MAD1L1: variants seen among roughly 807,000 people sequenced by gnomAD.
MAD1L1 encodes mitotic spindle assembly checkpoint protein MAD1.
MAD1L1 carries 95 observed loss-of-function variants against 96.9 expected under a neutral mutation model. The observed-to-expected ratio is 0.98, with a 90% CI of 0.83 to 1.16. MAD1L1 has a LOEUF of 1.16. Ranked by LOEUF, MAD1L1 falls within the 50% of genes most tolerant of loss-of-function variation. MAD1L1 has a pLI of 0.00. For missense variants in MAD1L1, 1,007 were observed against 954.4 expected (o/e 1.06, Z -0.73); for synonymous variants, 473 against 396.6 (o/e 1.19, Z -2.29).
At chr7:1,839,509 C>T (rs1395199639) in intron 18 of MAD1L1, among the ~76,000 whole-genome samples, 1 of 152,182 alleles carries the variant, frequency 6.6e-6, no homozygotes, top group Non-Finnish European at 1.5e-5. Context: ...GGCTGACAAA[C>T]CCCCAGCCTC....
chr7:1,882,139 G>T (rs1292438786), intron 18 of MAD1L1, among the ~76,000 whole-genome samples: 1 of 152,178 alleles, frequency 6.6e-6, no homozygotes, highest in Admixed American at 6.5e-5. Flanking sequence ...GATGAGGAGG[G>T]GCAGCCTTGG....
intron 11 of MAD1L1, among the ~76,000 whole-genome samples, chr7:2,110,639 T>C (rs554040346): frequency 2.6e-4 from 39 of 152,200 alleles, no homozygotes; most frequent in African/African-American, 9.4e-4. Context: ...GTCTCAAGTG[T>C]CTCCCTTTTG....
At chr7:2,205,822 T>C (rs1792571530) in intron 10 of MAD1L1, among the ~76,000 whole-genome samples, 1 of 152,160 alleles carries the variant, frequency 6.6e-6, no homozygotes, top group Non-Finnish European at 1.5e-5. Context: ...CACCTATATA[T>C]CTTCTCTTGT....
intron 16 of MAD1L1, among the ~76,000 whole-genome samples, chr7:1,947,256 G>A (rs978095552): frequency 6.6e-6 from 1 of 152,214 alleles, no homozygotes; most frequent in African/African-American, 2.4e-5. Flanking sequence ...CTGCTGGGGA[G>A]GAGGCTGCCT....
In MAD1L1 at chr7:1,918,427, G is replaced by A. The variant is rs192919735; in HGVS notation, c.1807+18260C>T. Among the ~76,000 whole-genome samples, 48 of 152,304 alleles carry A rather than the reference G, an allele frequency of 3.2e-4. No homozygotes were observed. In the East Asian group the frequency reaches 8.0e-3, roughly 25 times the overall value. On this transcript the variant is annotated intron_variant, in intron 17 of 18. Transcript: ENST00000265854. ...CCGAGCATGTTCCCAACACACAACC[G>A]CAGTCACGCCACTGGGGACGGTGCT...
At chr7:1,976,545 T>G (rs1780648022) in intron 15 of MAD1L1, among the ~76,000 whole-genome samples, 1 of 151,898 alleles carries the variant, frequency 6.6e-6, no homozygotes. Context: ...ACCCAAAGAG[T>G]GAGCAGCAGC....
At chr7:2,150,565 C>T (rs1050853902) in intron 10 of MAD1L1, among the ~76,000 whole-genome samples, 9 of 152,202 alleles carry the variant, frequency 5.9e-5, no homozygotes, top group Admixed American at 3.9e-4. Flanking sequence ...CTCTGGCCAC[C>T]CCCACGCCCC....
chr7:1,938,377 T>A (rs1778721993), intron 16 of MAD1L1, among the ~76,000 whole-genome samples: 1 of 152,134 alleles, frequency 6.6e-6, no homozygotes, highest in African/African-American at 2.4e-5. Context: ...AGACACAGGT[T>A]ACTCAAACAG....
At chr7:1,899,309 G>A (rs184377179) in intron 17 of MAD1L1, among the ~76,000 whole-genome samples, 543 of 152,322 alleles carry the variant, frequency 3.6e-3, no homozygotes, top group Non-Finnish European at 5.7e-3. Context: ...ACACAGAGCC[G>A]TCCCCTAGGC....
At chr7:1,851,654 C>T (rs532213442) in intron 18 of MAD1L1, among the ~76,000 whole-genome samples, 9 of 152,260 alleles carry the variant, frequency 5.9e-5, no homozygotes, top group South Asian at 4.1e-4. Context: ...GAAGGCGTGG[C>T]GAGGAAGACG....
Position 1,816,221 on chromosome 7 carries a change from C to G in MAD1L1, c.2006G>C (p.Ser669Thr). The G allele has an allele frequency of 6.2e-7, 1 of 1,612,728 alleles. No individual in the cohort carries two copies. The highest frequency in any genetic ancestry group is 8.5e-7 in the Non-Finnish European group (1 of 1,179,518). The change falls in exon 19 of 19, where the codon AGC becomes ACC. Residue 669 changes from serine to threonine, a missense_variant. By Grantham distance (58) the Ser-to-Thr change is moderately conservative (BLOSUM62 1). Transcript: ENST00000265854. ...TAGCTGCATCTTGGAACCCGAGGGG[C>G]TGGTGGCCTGCGGGGCAGTCAAGAA... ...PGDCLIFKAT[S>T]PSGSKMQLLE...
rs542101046 is a variant in MAD1L1, at chr7:1,939,822, C to T, written c.1597-2925G>A. On this transcript the variant is annotated intron_variant, in intron 16 of 18. Transcript: ENST00000265854. ...TGTGGGCCACTGCTCTCCAAGTCCC[C>T]GAAGGACGGCGAGGCCTGGCTTGGG... Among the ~76,000 whole-genome samples, 18 of 147,320 alleles carry T rather than the reference C, an allele frequency of 1.2e-4. No individual in the cohort carries two copies. In the South Asian group the frequency reaches 1.4e-3, roughly 11 times the overall value.
intron 15 of MAD1L1, among the ~76,000 whole-genome samples, chr7:1,966,303 C>T (rs1780163576): frequency 6.6e-6 from 1 of 152,190 alleles, no homozygotes; most frequent in Non-Finnish European, 1.5e-5. Context: ...GGACATAACC[C>T]CAAATTACTC....
chr7:1,907,381 C>T (rs1362937980), intron 17 of MAD1L1, among the ~76,000 whole-genome samples: 1 of 152,248 alleles, frequency 6.6e-6, no homozygotes, highest in Non-Finnish European at 1.5e-5. Context: ...ACTCACGGCA[C>T]AGCCATTTTT....
chr7:2,111,460 A>C (rs1424714056), intron 11 of MAD1L1, among the ~76,000 whole-genome samples: 1 of 152,232 alleles, frequency 6.6e-6, no homozygotes, highest in Non-Finnish European at 1.5e-5. Flanking sequence ...GTCACCGGAG[A>C]ACAGAGATCA....
intron 15 of MAD1L1, among the ~76,000 whole-genome samples, chr7:1,971,628 C>T (rs923479744): frequency 2.0e-5 from 3 of 152,136 alleles, no homozygotes; most frequent in African/African-American, 7.2e-5. Context: ...TGTAATCTCT[C>T]TCAAAATCCC....
intron 12 of MAD1L1, among the ~76,000 whole-genome samples, chr7:2,030,692 CTT>C (rs964132089): frequency 4.6e-5 from 7 of 152,242 alleles, no homozygotes; most frequent in Admixed American, 1.3e-4. Context: ...GAAACGGTCT[CTT>C]TTCCCGATGA....
intron 18 of MAD1L1, among the ~76,000 whole-genome samples, chr7:1,892,197 GCA>G (rs1465482939): frequency 6.6e-6 from 1 of 152,208 alleles, no homozygotes; most frequent in Non-Finnish European, 1.5e-5. Flanking sequence ...GTCACGCACT[GCA>G]CACTTTTGCA....
At chr7:1,865,816 GC>G (rs1316733181) in intron 18 of MAD1L1, among the ~76,000 whole-genome samples, 1 of 152,232 alleles carries the variant, frequency 6.6e-6, no homozygotes, top group Non-Finnish European at 1.5e-5. Context: ...CTCTCGAATG[GC>G]AGCCCCTCCT....
Sources: allele counts gnomAD v4.1 joint callset (sites outside exome capture counted in the v4.1 genomes callset), GRCh38; gene constraint gnomAD v4.1.1; transcripts MANE v1.5; gene names NCBI Gene and HGNC (gene_info 2026-07-23, HGNC 2026-07-21).